The following SSBP2 variants were observed in gnomAD, a reference collection of about 807,000 sequenced individuals.
SSBP2 encodes the protein single stranded DNA binding protein 2.
SSBP2 carries 17 observed loss-of-function variants against 61.8 expected under a neutral mutation model. The ratio of observed to expected loss-of-function variants is 0.28; its 90% CI spans 0.19 to 0.41. SSBP2 has a LOEUF of 0.41. Ranked by LOEUF, SSBP2 falls within the 10% of genes least tolerant of loss-of-function variation. The pLI, the probability that SSBP2 is intolerant of heterozygous loss-of-function variation, is 1.00. For synonymous variants in SSBP2, 139 were observed against 141.3 expected (o/e 0.98, Z 0.12); for missense variants, 310 against 458.7 (o/e 0.68, Z 2.96).
chr5:81,484,114 C>A (rs1434442621), intron 6 of SSBP2, among the ~76,000 whole-genome samples: 2 of 152,152 alleles, frequency 1.3e-5, no homozygotes, highest in African/African-American at 4.8e-5. Context: ...TAAACCTCAA[C>A]AAGTATCTCT....
At chr5:81,518,648 T>C (rs913482859) in intron 4 of SSBP2, among the ~76,000 whole-genome samples, 5 of 152,262 alleles carry the variant, frequency 3.3e-5, no homozygotes, top group African/African-American at 1.2e-4. Flanking sequence ...AAGCCATCTG[T>C]AGGTACTTTA....
At chr5:81,488,710 C>G (rs1239502658) in intron 6 of SSBP2, among the ~76,000 whole-genome samples, 4 of 128,180 alleles carry the variant, frequency 3.1e-5, no homozygotes, top group African/African-American at 1.2e-4. Flanking sequence ...CCCCTCCCCC[C>G]ACCCCACAAC....
intron 4 of SSBP2, among the ~76,000 whole-genome samples, chr5:81,551,096 GAAAAAAAA>G (rs35816072): frequency 1.2e-5 from 1 of 80,216 alleles, no homozygotes; most frequent in Admixed American, 1.6e-4. Flanking sequence ...ACTCCATCTC[GAAAAAAAA>G]AAAAAAAAAA....
At chr5:81,592,691 G>A (rs1002432692) in intron 4 of SSBP2, among the ~76,000 whole-genome samples, 3 of 152,146 alleles carry the variant, frequency 2.0e-5, no homozygotes, top group South Asian at 2.1e-4. Context: ...AACAATATAC[G>A]CTGTTCTGCA....
intron 1 of SSBP2, among the ~76,000 whole-genome samples, chr5:81,653,348 T>C (rs1749922330): frequency 6.6e-6 from 1 of 152,234 alleles, no homozygotes. Context: ...AGTCTATCAC[T>C]GATGGGCACT....
chr5:81,420,738 C>T (rs1761554306), intron 16 of SSBP2, among the ~76,000 whole-genome samples: 2 of 152,132 alleles, frequency 1.3e-5, no homozygotes, highest in African/African-American at 4.8e-5. Flanking sequence ...AAATATTTCC[C>T]CTGGAAAGCA....
At chr5:81,638,076 G>A (rs1176687077) in intron 2 of SSBP2, among the ~76,000 whole-genome samples, 1 of 145,580 alleles carries the variant, frequency 6.9e-6, no homozygotes, top group Non-Finnish European at 1.5e-5. Context: ...ACACAGGAAG[G>A]GGAAAATCAC....
At chr5:81,435,267 C>T (rs1319871519) in intron 15 of SSBP2, among the ~76,000 whole-genome samples, 2 of 152,156 alleles carry the variant, frequency 1.3e-5, no homozygotes, top group Non-Finnish European at 2.9e-5. Flanking sequence ...GGGCAGAGAA[C>T]ATATCTTGTT....
intron 16 of SSBP2, among the ~76,000 whole-genome samples, chr5:81,421,402 A>G (rs1021119280): frequency 1.3e-5 from 2 of 152,136 alleles, no homozygotes; most frequent in Non-Finnish European, 2.9e-5. Flanking sequence ...CATGTTGCCC[A>G]GGCTGGTCTC....
At position 81,467,020 on chromosome 5, in the gene SSBP2, G is replaced by A; in HGVS notation, c.592C>T (p.Pro198Ser). ...GGGCCACCTAAAGCATTCAGTGGGG[G>A]TCTCATTGCACCTCCATAGTTCTGT... Residue 198 changes from proline to serine, a missense_variant, in exon 9 of 17, where the codon CCC becomes TCC. This residue lies in a region of SSBP2 where 209 missense variants were observed against 286.4 expected (regional missense o/e 0.73). Transcript: ENST00000320672. 4 of 1,610,504 alleles carry A rather than the reference G, an allele frequency of 2.5e-6. No individual in the cohort carries two copies. Among genetic ancestry groups the A allele is most frequent in the Non-Finnish European group, 3.4e-6 (4 of 1,177,570 alleles).
chr5:81,493,704 C>A (rs1457337322), intron 5 of SSBP2, among the ~76,000 whole-genome samples: 1 of 151,290 alleles, frequency 6.6e-6, no homozygotes, highest in Non-Finnish European at 1.5e-5. Context: ...TGCAGTGAGC[C>A]AAGACCATGC....
intron 4 of SSBP2, among the ~76,000 whole-genome samples, chr5:81,564,837 C>G (rs900231641): frequency 4.6e-5 from 7 of 152,246 alleles, no homozygotes. Context: ...TAACACCAAA[C>G]ATCACCTTAC....
chr5:81,447,706 T>C (rs1763493388), intron 11 of SSBP2, among the ~76,000 whole-genome samples: 1 of 152,184 alleles, frequency 6.6e-6, no homozygotes, highest in African/African-American at 2.4e-5. Flanking sequence ...GGTATGGCTA[T>C]AGACCTGTCA....
chr5:81,653,086 A>G (rs974266815), intron 1 of SSBP2, among the ~76,000 whole-genome samples: 2 of 151,650 alleles, frequency 1.3e-5, no homozygotes, highest in Non-Finnish European at 2.9e-5. Flanking sequence ...TCCTAATGCT[A>G]TCCCTCCCTT....
At chr5:81,702,046 T>C (rs909234418) in intron 1 of SSBP2, among the ~76,000 whole-genome samples, 2 of 152,148 alleles carry the variant, frequency 1.3e-5, no homozygotes, top group Non-Finnish European at 2.9e-5. Context: ...AGGTACACAC[T>C]GAAAGAAATC....
At chr5:81,510,873 C>T (rs1203228857) in intron 5 of SSBP2, among the ~76,000 whole-genome samples, 1 of 152,076 alleles carries the variant, frequency 6.6e-6, no homozygotes, top group Non-Finnish European at 1.5e-5. Flanking sequence ...AGTGATTTTT[C>T]TAAAAATGCA....
chr5:81,498,875 TCA>T (rs1767489806), intron 5 of SSBP2, among the ~76,000 whole-genome samples: 1 of 152,124 alleles, frequency 6.6e-6, no homozygotes, highest in Non-Finnish European at 1.5e-5. Context: ...TTAAGAATGT[TCA>T]CATATTTTTA....
At chr5:81,434,528 C>T (rs1762545631) in intron 15 of SSBP2, among the ~76,000 whole-genome samples, 1 of 147,700 alleles carries the variant, frequency 6.8e-6, no homozygotes. Flanking sequence ...ACTTGGCAGG[C>T]TGAGGCAGGA....
chr5:81,588,136 T>A (rs548144639), intron 4 of SSBP2, among the ~76,000 whole-genome samples: 7 of 151,612 alleles, frequency 4.6e-5, no homozygotes, highest in East Asian at 3.9e-4. Context: ...TAGCTAATTT[T>A]AAAAAAAATT....
Sources: gnomAD v4.1 joint callset for allele counts (sites outside exome capture counted in the v4.1 genomes callset) on GRCh38, gnomAD v4.1.1 for gene constraint, gnomAD v4.1.1 regional missense constraint, MANE v1.5 for transcripts, NCBI Gene and HGNC (gene_info 2026-07-23, HGNC 2026-07-21) for gene names.